The following CD2AP variants were observed in gnomAD, a reference collection of about 807,000 sequenced individuals.
The protein encoded by CD2AP is CD2 associated protein, also known as CD2-associated protein.
In CD2AP, 46 loss-of-function variants were observed where a neutral mutation model predicts 85.1. The ratio of observed to expected loss-of-function variants is 0.54; its 90% CI spans 0.43 to 0.69. The LOEUF (loss-of-function observed/expected upper bound fraction) is 0.69. CD2AP is among the 30% of genes least tolerant of loss of function. The pLI, the probability that CD2AP is intolerant of heterozygous loss-of-function variation, is 0.00. For synonymous variants in CD2AP, 255 were observed against 252.9 expected (o/e 1.01, Z -0.08); for missense variants, 769 against 729.5 (o/e 1.05, Z -0.62).
chr6:47,544,820 A>G (rs1767324225), intron 4 of CD2AP, 114 bp downstream of exon 4: 1 of 696,376 alleles, frequency 1.4e-6, no homozygotes, highest in Admixed American at 2.3e-5. Context: ...CACTTTTTAA[A>G]AAAAATGGTA....
Position 47,624,679 on chromosome 6 carries a change from CTG to C in CD2AP, c.*494_*495del, listed in dbSNP as rs60486147. Reference sequence around the variant, plus strand: ...CCATAATGCATAAGGGATATAAACTCTGTGTGTGTGTGTGTGTGTGTGTGTGT... The same window carrying C: ...CCATAATGCATAAGGGATATAAACTCTGTGTGTGTGTGTGTGTGTGTGTGT... On this transcript the variant is annotated 3_prime_UTR_variant, in exon 18 of 18. Coordinates refer to ENST00000359314, the MANE Select transcript of CD2AP (RefSeq NM_012120.3). 5,449 of 121,416 alleles carry C rather than the reference CTG, an allele frequency of 0.045. 170 individuals carry two copies. The highest frequency in any genetic ancestry group is 0.08 in the South Asian group (324 of 4,058). 7.5% of individuals were successfully genotyped at this position (121,416 alleles called of 1,614,324 possible).
intron 11 of CD2AP, among the ~76,000 whole-genome samples, chr6:47,586,114 T>C (rs1236796993): frequency 1.3e-5 from 2 of 151,956 alleles, no homozygotes; most frequent in Non-Finnish European, 2.9e-5. Flanking sequence ...ATGACAGAGA[T>C]GGTGGAGATA....
At chr6:47,550,348 A>G (rs1562027430) in intron 4 of CD2AP, among the ~76,000 whole-genome samples, 1 of 152,196 alleles carries the variant, frequency 6.6e-6, no homozygotes, top group Non-Finnish European at 1.5e-5. Context: ...GAACTCCAAC[A>G]AATTAGCAAG....
intron 4 of CD2AP, among the ~76,000 whole-genome samples, chr6:47,548,950 AAT>A (rs1162869430): frequency 6.6e-6 from 1 of 152,208 alleles, no homozygotes; most frequent in African/African-American, 2.4e-5. Context: ...TAAAAACAAA[AAT>A]CACATGATCA....
At position 47,576,462 on chromosome 6, in the gene CD2AP, T is replaced by C. The variant is rs1044896024; in HGVS notation, c.730-62T>C. 23 of 1,109,696 alleles carry C rather than the reference T, an allele frequency of 2.1e-5. No individual in the cohort carries two copies. The South Asian group carries it at 2.9e-4, about 14-fold the overall frequency. The allele number at this position is 1,109,696 out of a possible 1,614,324, so 68.7% of individuals were successfully genotyped here. A position where few individuals can be genotyped will look rare whatever the true frequency, so the allele number is the denominator to read the frequency against. ...GCTGGGTAACTGTAAATGGAAACTT[T>C]GTTTAACAGTATTATCTTTATTCTA... On this transcript the variant is annotated intron_variant, in intron 6 of 17. Transcript: ENST00000359314.
chr6:47,535,586 A>G (rs1009033780), intron 3 of CD2AP, among the ~76,000 whole-genome samples: 1 of 152,194 alleles, frequency 6.6e-6, no homozygotes. Flanking sequence ...CTAGGGTTCT[A>G]TTTGTTCTTT....
At chr6:47,574,729 A>G (rs1292628846) in intron 6 of CD2AP, among the ~76,000 whole-genome samples, 7 of 151,932 alleles carry the variant, frequency 4.6e-5, no homozygotes, top group Non-Finnish European at 8.8e-5. Context: ...AATTTACTAA[A>G]CTTCTTTGAA....
At chr6:47,619,040 C>CT (rs755248543) in intron 17 of CD2AP, among the ~76,000 whole-genome samples, 1 of 152,054 alleles carries the variant, frequency 6.6e-6, no homozygotes, top group Non-Finnish European at 1.5e-5. Context: ...CATACAAGTG[C>CT]TAAAAGAGAA....
intron 5 of CD2AP, chr6:47,562,907 C>G: frequency 6.0e-6 from 4 of 671,290 alleles, no homozygotes; most frequent in Non-Finnish European, 1.1e-5. Flanking sequence ...GTAAAATTGA[C>G]AGAGAGAGAA....
chr6:47,580,306 A>G (rs78749822), intron 9 of CD2AP, among the ~76,000 whole-genome samples: 4 of 152,350 alleles, frequency 2.6e-5, no homozygotes, highest in African/African-American at 7.2e-5. Context: ...GTGTATATCA[A>G]TATTTTAAGG....
In CD2AP at chr6:47,598,974, G is replaced by A. The variant is rs895374571; in HGVS notation, c.1275-327G>A. Among the ~76,000 whole-genome samples the A allele has an allele frequency of 6.7e-5, 10 of 150,208 alleles. No homozygotes were observed. The South Asian group carries it at 1.5e-3, about 22-fold the overall frequency. On this transcript the variant is annotated intron_variant, in intron 12 of 17. Transcript: ENST00000359314. ...GGAGCATTCTGTACATTTTGATTTA[G>A]CTCTCACTGTTGCTTACCTTCCAGA...
rs1001102537 is a variant in CD2AP at position 47,503,430 on chromosome 6, A to G, written c.155A>G (p.Asn52Ser). ...GGGAGAAGAGGAATGTTCCCTGACAATTTCGTTAAGGTAAGTATTTTCAGT... is the reference window on the plus strand; with the variant it reads ...GGGAGAAGAGGAATGTTCCCTGACAGTTTCGTTAAGGTAAGTATTTTCAGT... The part of the protein sequence containing the change: ...LNGRRGMFPD[N>S]FVKEIKRETE... The change falls in exon 2 of 18, where the codon AAT (asparagine) becomes AGT (serine). Residue 52 changes from asparagine (N) to serine (S), a missense_variant. Physicochemically the swap from Asn to Ser is conservative, Grantham distance 46. Transcript: ENST00000359314. 27 of 1,613,496 alleles carry G rather than the reference A, an allele frequency of 1.7e-5. No homozygotes were observed. Among genetic ancestry groups the G allele is most frequent in the South Asian group, 4.4e-5 (4 of 91,070 alleles).
At chr6:47,546,829 T>G (rs1375448248) in intron 4 of CD2AP, among the ~76,000 whole-genome samples, 1 of 152,186 alleles carries the variant, frequency 6.6e-6, no homozygotes, top group Non-Finnish European at 1.5e-5. Flanking sequence ...AACAGCAGAT[T>G]TCTCAGCAGA....
At chr6:47,509,237 GT>G (rs1361181783) in intron 2 of CD2AP, among the ~76,000 whole-genome samples, 1 of 152,134 alleles carries the variant, frequency 6.6e-6, no homozygotes, top group Non-Finnish European at 1.5e-5. Flanking sequence ...CAAGGGCACA[GT>G]TTGAGATACC....
chr6:47,505,708 TG>T (rs1214116358), intron 2 of CD2AP, among the ~76,000 whole-genome samples: 2 of 71,902 alleles, frequency 2.8e-5, no homozygotes, highest in Non-Finnish European at 3.5e-5. Flanking sequence ...ACGGGGTGGC[TG>T]GCCGGGCTGA....
intron 1 of CD2AP, among the ~76,000 whole-genome samples, chr6:47,490,047 T>G (rs1377875327): frequency 6.6e-6 from 1 of 151,266 alleles, no homozygotes; most frequent in Non-Finnish European, 1.5e-5. Context: ...ACTATCATAG[T>G]TCACAGCAAC....
intron 17 of CD2AP, among the ~76,000 whole-genome samples, chr6:47,618,064 ATCCC>A (rs1769642665): frequency 6.6e-6 from 1 of 152,194 alleles, no homozygotes; most frequent in South Asian, 2.1e-4. Flanking sequence ...CACACCTGTA[ATCCC>A]AGCACTTTGG....
chr6:47,553,361 T>C (rs1315475925), intron 4 of CD2AP, among the ~76,000 whole-genome samples: 1 of 151,774 alleles, frequency 6.6e-6, no homozygotes, highest in East Asian at 1.9e-4. Flanking sequence ...GTTTTTTTTT[T>C]TTTGAGCTGG....
intron 2 of CD2AP, among the ~76,000 whole-genome samples, chr6:47,509,076 C>G (rs939012910): frequency 3.3e-5 from 5 of 152,104 alleles, no homozygotes; most frequent in African/African-American, 9.7e-5. Context: ...CACTTGAATA[C>G]TAGAGGCTGT....
Sources: gnomAD v4.1 joint callset for allele counts (sites outside exome capture counted in the v4.1 genomes callset) on GRCh38, gnomAD v4.1.1 for gene constraint, MANE v1.5 for transcripts, NCBI Gene and HGNC (gene_info 2026-07-23, HGNC 2026-07-21) for gene names.